The following CPED1 variants were observed in gnomAD, a reference collection of about 807,000 sequenced individuals.
CPED1 encodes cadherin-like and PC-esterase domain-containing protein 1.
In CPED1, 114 loss-of-function variants were observed where a neutral mutation model predicts 128.2. That is an observed-to-expected ratio of 0.89 (90% CI 0.76 to 1.04). CPED1 has a LOEUF of 1.04. CPED1 is among the 50% of genes least tolerant of loss of function. The probability of loss-of-function intolerance (pLI) is 0.00; values close to 1 mark genes in which losing one functional copy is unlikely to be tolerated. For missense variants in CPED1, 1,211 were observed against 1,207.1 expected (o/e 1.00, Z -0.05); for synonymous variants, 462 against 426.7 (o/e 1.08, Z -1.02).
intron 5 of CPED1, among the ~76,000 whole-genome samples, chr7:121,095,401 T>A (rs1285703808): frequency 2.6e-5 from 4 of 152,106 alleles, no homozygotes; most frequent in South Asian, 2.1e-4. Context: ...CTTTTAAAGA[T>A]ATAAATGAAG....
intron 3 of CPED1, among the ~76,000 whole-genome samples, chr7:121,021,883 C>T (rs113759809): frequency 1.3e-5 from 2 of 151,922 alleles, no homozygotes; most frequent in African/African-American, 4.8e-5. Flanking sequence ...TTAAAATATG[C>T]AGTAGTGTAA....
chr7:121,278,865 A>G (rs1792380706), intron 22 of CPED1, among the ~76,000 whole-genome samples: 1 of 152,082 alleles, frequency 6.6e-6, no homozygotes, highest in African/African-American at 2.4e-5. Context: ...TACTATTATG[A>G]CTCCATAAGG....
intron 16 of CPED1, among the ~76,000 whole-genome samples, chr7:121,197,218 T>C (rs1471106643): frequency 6.6e-6 from 1 of 151,954 alleles, no homozygotes. Flanking sequence ...AATTAGTGCA[T>C]TGACTCTCAT....
chr7:121,143,497 T>C (rs10261671), intron 16 of CPED1, among the ~76,000 whole-genome samples: 98,828 of 151,774 alleles, frequency 0.65, 32,509 homozygotes, highest in East Asian at 0.89. Flanking sequence ...ATGTTCCTCT[T>C]AGGTTTTGAC....
At chr7:121,118,028 C>T (rs1318951145) in intron 7 of CPED1, among the ~76,000 whole-genome samples, 1 of 151,808 alleles carries the variant, frequency 6.6e-6, no homozygotes, top group African/African-American at 2.4e-5. Context: ...GCTTTCAGTT[C>T]TTTGTTTTTA....
At chr7:121,078,108 C>T (rs1464795787) in intron 5 of CPED1, among the ~76,000 whole-genome samples, 5 of 151,542 alleles carry the variant, frequency 3.3e-5, no homozygotes, top group African/African-American at 7.3e-5. Flanking sequence ...TACAGTGGCA[C>T]GATCTCCTGT....
chr7:121,261,041 T>C (rs1562854735), intron 18 of CPED1, among the ~76,000 whole-genome samples: 1 of 152,170 alleles, frequency 6.6e-6, no homozygotes, highest in Non-Finnish European at 1.5e-5. Context: ...AGCCACCAAA[T>C]CTCCTTTTAT....
At chr7:121,011,408 C>T (rs1029701666) in intron 2 of CPED1, among the ~76,000 whole-genome samples, 2 of 152,062 alleles carry the variant, frequency 1.3e-5, no homozygotes, top group Admixed American at 1.3e-4. Context: ...ATTTGTCATT[C>T]TTGCTAGTAT....
At chr7:121,234,155 A>G (rs899835322) in intron 16 of CPED1, among the ~76,000 whole-genome samples, 1 of 137,866 alleles carries the variant, frequency 7.3e-6, no homozygotes, top group Non-Finnish European at 1.7e-5. Context: ...AACAAAATAC[A>G]GGTTTTTCTG....
chr7:121,231,933 T>G (rs893119883), intron 16 of CPED1, among the ~76,000 whole-genome samples: 1 of 152,120 alleles, frequency 6.6e-6, no homozygotes. Flanking sequence ...ATACAGACCT[T>G]TGATAGCAAA....
chr7:121,124,553 A>T, intron 8 of CPED1, 80 bp downstream of exon 8: 1 of 1,126,814 alleles, frequency 8.9e-7, no homozygotes, highest in East Asian at 2.9e-5. Flanking sequence ...GTGGAAATGT[A>T]TCTTAATTAT....
At chr7:121,011,681 T>G (rs531044906) in intron 2 of CPED1, among the ~76,000 whole-genome samples, 8 of 152,098 alleles carry the variant, frequency 5.3e-5, no homozygotes, top group Non-Finnish European at 1.0e-4. Context: ...AAAATAAACA[T>G]AAGTTTCCAA....
At chr7:121,110,502 G>T (rs1029601630) in intron 7 of CPED1, among the ~76,000 whole-genome samples, 8 of 152,134 alleles carry the variant, frequency 5.3e-5, no homozygotes, top group African/African-American at 1.9e-4. Flanking sequence ...ATTCTGTGAT[G>T]AGACTAAGTG....
chr7:121,050,733 G>A (rs1793327931), intron 4 of CPED1: 4 of 443,142 alleles, frequency 9.0e-6, no homozygotes, highest in Admixed American at 7.2e-5. Context: ...CAAAGTGCTG[G>A]GATTATAGGT....
intron 3 of CPED1, among the ~76,000 whole-genome samples, chr7:121,019,380 T>C (rs762002257): frequency 2.0e-5 from 3 of 152,034 alleles, no homozygotes; most frequent in African/African-American, 7.2e-5. Flanking sequence ...ATCAGAGTTC[T>C]AGAAGGAGAC....
intron 16 of CPED1, among the ~76,000 whole-genome samples, chr7:121,207,539 T>C (rs1210268921): frequency 6.6e-6 from 1 of 152,028 alleles, no homozygotes; most frequent in Non-Finnish European, 1.5e-5. Context: ...TTTCAGGTTT[T>C]CGTATTTCCA....
rs1340430252 is a variant in CPED1, at chr7:121,271,273, T to C, written c.2722-11T>C. On this transcript the variant is annotated splice_polypyrimidine_tract_variant and intron_variant, in intron 21 of 22. Transcript: ENST00000310396. ...GTAATAAAAATTCTCATTCTTCTGCTTTCCAATCAGAGTGAAGTACAGAAC... is the reference window on the plus strand; with the variant it reads ...GTAATAAAAATTCTCATTCTTCTGCCTTCCAATCAGAGTGAAGTACAGAAC... 6.3e-7 allele frequency: 1 copy of C among 1,597,162 alleles called. No individual in the cohort carries two copies. The highest frequency in any genetic ancestry group is 8.5e-7 in the Non-Finnish European group (1 of 1,170,198).
intron 4 of CPED1, among the ~76,000 whole-genome samples, chr7:121,060,372 G>A (rs188765602): frequency 1.0e-3 from 152 of 152,378 alleles, no homozygotes; most frequent in African/African-American, 3.6e-3. Context: ...CCCGGTGCGG[G>A]ATCCACTGGG....
intron 4 of CPED1, among the ~76,000 whole-genome samples, chr7:121,056,381 C>A (rs1301075343): frequency 6.6e-6 from 1 of 152,032 alleles, no homozygotes; most frequent in Non-Finnish European, 1.5e-5. Flanking sequence ...AAGAAAAAAA[C>A]AACAAACATT....
Sources: gnomAD v4.1 joint callset for allele counts (sites outside exome capture counted in the v4.1 genomes callset) on GRCh38, gnomAD v4.1.1 for gene constraint, MANE v1.5 for transcripts, NCBI Gene and HGNC (gene_info 2026-07-23, HGNC 2026-07-21) for gene names.